CADM2: variants seen among roughly 807,000 people sequenced by gnomAD.
CADM2 encodes the protein immunoglobulin superfamily member 4D.
CADM2 carries 12 observed loss-of-function variants against 49.8 expected under a neutral mutation model. The ratio of observed to expected loss-of-function variants is 0.24; its 90% CI spans 0.15 to 0.39. The LOEUF is 0.39. CADM2 is among the 10% of genes least tolerant of loss of function. The pLI, the probability that CADM2 is intolerant of heterozygous loss-of-function variation, is 1.00. For missense variants in CADM2, 378 were observed against 492.3 expected (o/e 0.77, Z 2.20); for synonymous variants, 214 against 175.4 (o/e 1.22, Z -1.74).
At chr3:85,062,887 G>A (rs549699017) in intron 1 of CADM2, among the ~76,000 whole-genome samples, 30 of 151,668 alleles carry the variant, frequency 2.0e-4, no homozygotes, top group East Asian at 5.8e-4. Context: ...TTTAATTACC[G>A]TCTTTATTTT....
intron 1 of CADM2, among the ~76,000 whole-genome samples, chr3:85,031,642 G>A (rs1480094266): frequency 3.3e-5 from 5 of 152,118 alleles, no homozygotes; most frequent in Admixed American, 6.5e-5. Flanking sequence ...AGCCTCCCGA[G>A]TAGCTGGGAC....
At chr3:85,073,220 A>C (rs532344975) in intron 1 of CADM2, among the ~76,000 whole-genome samples, 1 of 152,160 alleles carries the variant, frequency 6.6e-6, no homozygotes, top group African/African-American at 2.4e-5. Context: ...GAGATAGTGC[A>C]TACAACTTAT....
Position 85,935,563 on chromosome 3 carries a change from G to A in CADM2, c.701-204G>A, listed in dbSNP as rs1436911698. 5.3e-5 allele frequency among the ~76,000 whole-genome samples: 8 copies of A among 151,942 alleles called. No individual in the cohort carries two copies. The East Asian group carries it at 1.3e-3, about 26-fold the overall frequency. Reference sequence around the variant, plus strand: ...AACAGTGGTGCTCAGGAGATATTTAGATATTTTTGTTAGCTTTGCATGGAC... The same window carrying A: ...AACAGTGGTGCTCAGGAGATATTTAAATATTTTTGTTAGCTTTGCATGGAC... On this transcript the variant is annotated intron_variant, in intron 6 of 9. Coordinates refer to ENST00000383699, the MANE Select transcript of CADM2 (RefSeq NM_001167675.2).
intron 1 of CADM2, among the ~76,000 whole-genome samples, chr3:85,595,484 A>G (rs773882306): frequency 6.6e-6 from 1 of 152,068 alleles, no homozygotes; most frequent in Non-Finnish European, 1.5e-5. Flanking sequence ...TGTACGTGGT[A>G]TTTGGACGAG....
At chr3:85,995,014 T>TTAAAAAAA (rs1464055979) in intron 8 of CADM2, among the ~76,000 whole-genome samples, 1 of 83,004 alleles carries the variant, frequency 1.2e-5, no homozygotes, top group Non-Finnish European at 2.2e-5. Flanking sequence ...TTCGATTTGT[T>TTAAAAAAA]AAAAAAAAAA....
intron 1 of CADM2, among the ~76,000 whole-genome samples, chr3:84,969,882 A>G (rs1270148027): frequency 6.6e-6 from 1 of 151,792 alleles, no homozygotes; most frequent in Non-Finnish European, 1.5e-5. Context: ...TAAAGATTTT[A>G]TTTCTAGCTT....
chr3:85,026,137 T>C (rs2034717732), intron 1 of CADM2, among the ~76,000 whole-genome samples: 1 of 152,180 alleles, frequency 6.6e-6, no homozygotes, highest in South Asian at 2.1e-4. Context: ...TATTTTCTTT[T>C]AAGCAATTTA....
At chr3:85,104,566 A>G (rs1018449803) in intron 1 of CADM2, among the ~76,000 whole-genome samples, 2 of 151,984 alleles carry the variant, frequency 1.3e-5, no homozygotes, top group Non-Finnish European at 2.9e-5. Context: ...CTTTTTTGGA[A>G]CCATATGAAC....
chr3:84,998,113 C>A (rs556479962), intron 1 of CADM2, among the ~76,000 whole-genome samples: 1 of 152,210 alleles, frequency 6.6e-6, no homozygotes, highest in African/African-American at 2.4e-5. Flanking sequence ...CAGAGCCTTC[C>A]TTATCTGTTG....
chr3:85,479,970 T>C (rs2039142196), intron 1 of CADM2, among the ~76,000 whole-genome samples: 1 of 151,904 alleles, frequency 6.6e-6, no homozygotes, highest in South Asian at 2.1e-4. Context: ...TGAGGGGATA[T>C]AATATTAGGT....
At chr3:85,386,769 G>A (rs991358768) in intron 1 of CADM2, among the ~76,000 whole-genome samples, 6 of 152,160 alleles carry the variant, frequency 3.9e-5, no homozygotes, top group Non-Finnish European at 2.9e-5. Flanking sequence ...GTGTGAGAAT[G>A]AGAAGGGAGG....
At chr3:85,460,917 A>G (rs1259087179) in intron 1 of CADM2, among the ~76,000 whole-genome samples, 1 of 152,192 alleles carries the variant, frequency 6.6e-6, no homozygotes, top group African/African-American at 2.4e-5. Flanking sequence ...TGCAATGAAT[A>G]TTAGCTCTGT....
intron 1 of CADM2, among the ~76,000 whole-genome samples, chr3:85,366,426 C>T (rs1365153219): frequency 1.3e-5 from 2 of 152,060 alleles, no homozygotes; most frequent in Non-Finnish European, 2.9e-5. Context: ...GTATAAAATG[C>T]CAAAATGCAG....
At chr3:85,905,033 G>A (rs1389365775) in intron 5 of CADM2, among the ~76,000 whole-genome samples, 1 of 151,984 alleles carries the variant, frequency 6.6e-6, no homozygotes, top group East Asian at 1.9e-4. Flanking sequence ...GAATTGAAAA[G>A]ATTTAACAGC....
At chr3:85,876,872 G>A (rs994614793) in intron 3 of CADM2, among the ~76,000 whole-genome samples, 10 of 152,156 alleles carry the variant, frequency 6.6e-5, no homozygotes, top group Middle Eastern at 3.4e-3. Flanking sequence ...TGTTAGAAAT[G>A]GGCATAAAAT....
chr3:85,193,644 T>C (rs2041266136), intron 1 of CADM2, among the ~76,000 whole-genome samples: 1 of 152,022 alleles, frequency 6.6e-6, no homozygotes, highest in Non-Finnish European at 1.5e-5. Context: ...GTCTCACTTT[T>C]CCTACCCTAG....
chr3:85,150,989 A>G (rs2039905409), intron 1 of CADM2, among the ~76,000 whole-genome samples: 1 of 151,458 alleles, frequency 6.6e-6, no homozygotes, highest in Non-Finnish European at 1.5e-5. Flanking sequence ...GAATGCAATT[A>G]GATGAAAAGA....
At chr3:84,988,386 T>G (rs981412283) in intron 1 of CADM2, among the ~76,000 whole-genome samples, 1 of 152,242 alleles carries the variant, frequency 6.6e-6, no homozygotes, top group Non-Finnish European at 1.5e-5. Context: ...TTATGTAACT[T>G]TCTACTTAGG....
chr3:85,997,396 A>T (rs1047518492), intron 8 of CADM2, among the ~76,000 whole-genome samples: 3 of 152,192 alleles, frequency 2.0e-5, no homozygotes, highest in Non-Finnish European at 4.4e-5. Flanking sequence ...TGGAGCTGTT[A>T]GTGTATTGCA....
Sources: gnomAD v4.1 joint callset for allele counts (sites outside exome capture counted in the v4.1 genomes callset) on GRCh38, gnomAD v4.1.1 for gene constraint, MANE v1.5 for transcripts, NCBI Gene and HGNC (gene_info 2026-07-23, HGNC 2026-07-21) for gene names.